DLGAP1: variants seen among roughly 807,000 people sequenced by gnomAD.
DLGAP1 encodes the protein disks large-associated protein 1.
In DLGAP1, 11 loss-of-function variants were observed where a neutral mutation model predicts 90.8. The ratio of observed to expected loss-of-function variants is 0.12; its 90% CI spans 0.08 to 0.20. The LOEUF is 0.20. Ranked by LOEUF, DLGAP1 falls within the 10% of genes least tolerant of loss-of-function variation. The pLI is 1.00. For synonymous variants in DLGAP1, 558 were observed against 540.7 expected (o/e 1.03, Z -0.44); for missense variants, 1,050 against 1,333.8 (o/e 0.79, Z 3.31).
intron 1 of DLGAP1, among the ~76,000 whole-genome samples, chr18:4,452,905 C>T (rs2083869106): frequency 1.3e-5 from 2 of 152,114 alleles, no homozygotes. Flanking sequence ...TTAACCAGTT[C>T]CTTTTGCCCA....
intron 7 of DLGAP1, among the ~76,000 whole-genome samples, chr18:3,616,927 C>T (rs986234369): frequency 1.3e-5 from 2 of 152,094 alleles, no homozygotes; most frequent in Middle Eastern, 3.2e-3. Flanking sequence ...TACCAGTCAG[C>T]ACATAAGTAG....
At chr18:4,288,890 T>G (rs1006470904) in intron 1 of DLGAP1, among the ~76,000 whole-genome samples, 1 of 152,110 alleles carries the variant, frequency 6.6e-6, no homozygotes, top group African/African-American at 2.4e-5. Flanking sequence ...GGAGATAAAA[T>G]GATGCTAGAG....
At chr18:3,674,313 G>GTATATA (rs1567942260) in intron 7 of DLGAP1, among the ~76,000 whole-genome samples, 1 of 81,004 alleles carries the variant, frequency 1.2e-5, no homozygotes, top group African/African-American at 3.9e-5. Context: ...ATATATATAT[G>GTATATA]TATATTTTAA....
At chr18:4,332,570 A>C (rs186186097) in intron 1 of DLGAP1, among the ~76,000 whole-genome samples, 9 of 152,090 alleles carry the variant, frequency 5.9e-5, no homozygotes, top group Admixed American at 5.9e-4. Flanking sequence ...CAAAGATGCC[A>C]AAACAATTCA....
chr18:3,560,374 G>T (rs28590113), intron 9 of DLGAP1, among the ~76,000 whole-genome samples: 1 of 145,118 alleles, frequency 6.9e-6, no homozygotes, highest in South Asian at 2.2e-4. Flanking sequence ...AGCTGAGATC[G>T]CGCCACTGCA....
At chr18:4,159,607 T>A (rs1169525862) in intron 1 of DLGAP1, among the ~76,000 whole-genome samples, 4 of 152,132 alleles carry the variant, frequency 2.6e-5, no homozygotes, top group Non-Finnish European at 4.4e-5. Flanking sequence ...TCTGATATCT[T>A]TGGCACCTAA....
At chr18:3,994,282 A>T (rs1278149224) in intron 3 of DLGAP1, among the ~76,000 whole-genome samples, 1 of 152,158 alleles carries the variant, frequency 6.6e-6, no homozygotes, top group East Asian at 1.9e-4. Flanking sequence ...CAGCCTGTCC[A>T]CAGCTCTAGT....
chr18:4,351,470 T>C (rs1184161048), intron 1 of DLGAP1, among the ~76,000 whole-genome samples: 2 of 152,208 alleles, frequency 1.3e-5, no homozygotes, highest in Non-Finnish European at 2.9e-5. Flanking sequence ...GCTAAAATCT[T>C]AGATTATTCT....
intron 7 of DLGAP1, among the ~76,000 whole-genome samples, chr18:3,680,556 G>A (rs1056472887): frequency 5.3e-5 from 8 of 152,340 alleles, no homozygotes; most frequent in African/African-American, 1.7e-4. Flanking sequence ...GGGAGGCTGA[G>A]GTGGGCAGAT....
intron 3 of DLGAP1, among the ~76,000 whole-genome samples, chr18:3,987,235 A>G (rs2073861784): frequency 1.3e-5 from 2 of 152,120 alleles, no homozygotes; most frequent in Admixed American, 1.3e-4. Flanking sequence ...GGAGATTGCT[A>G]ATAGATAGAA....
chr18:3,840,613 T>A (rs1192028537), intron 4 of DLGAP1, among the ~76,000 whole-genome samples: 1 of 152,178 alleles, frequency 6.6e-6, no homozygotes, highest in Non-Finnish European at 1.5e-5. Context: ...TAAGGTAACA[T>A]CCTCAGTTTC....
chr18:4,345,471 C>A (rs780770045), intron 1 of DLGAP1, among the ~76,000 whole-genome samples: 1 of 152,194 alleles, frequency 6.6e-6, no homozygotes, highest in African/African-American at 2.4e-5. Flanking sequence ...TAGATACTCA[C>A]AATAGGCACA....
At chr18:4,240,375 A>G (rs2145123931) in intron 1 of DLGAP1, among the ~76,000 whole-genome samples, 1 of 152,276 alleles carries the variant, frequency 6.6e-6, no homozygotes, top group African/African-American at 2.4e-5. Flanking sequence ...ATACACTGCT[A>G]GAGGAAAATA....
intron 3 of DLGAP1, among the ~76,000 whole-genome samples, chr18:3,944,348 T>C (rs2148953795): frequency 6.6e-6 from 1 of 152,168 alleles, no homozygotes; most frequent in South Asian, 2.1e-4. Flanking sequence ...ATACAAAAAT[T>C]AGCTGGGCAT....
At chr18:4,139,376 C>A (rs915236332) in intron 2 of DLGAP1, among the ~76,000 whole-genome samples, 2 of 151,936 alleles carry the variant, frequency 1.3e-5, no homozygotes, top group Non-Finnish European at 2.9e-5. Context: ...TTCTTCATGA[C>A]CCACTGGTCA....
chr18:3,815,871 G>A (rs1384675547), intron 4 of DLGAP1, among the ~76,000 whole-genome samples: 1 of 152,190 alleles, frequency 6.6e-6, no homozygotes. Flanking sequence ...AAAAAACGGG[G>A]AGGCTGGTTC....
At chr18:3,693,418 T>C (rs1342053939) in intron 7 of DLGAP1, among the ~76,000 whole-genome samples, 2 of 152,240 alleles carry the variant, frequency 1.3e-5, no homozygotes, top group Admixed American at 6.5e-5. Context: ...TTCTAACATT[T>C]GATTTTCTCC....
intron 1 of DLGAP1, among the ~76,000 whole-genome samples, chr18:4,156,726 C>T (rs183090506): frequency 8.7e-4 from 132 of 152,174 alleles, no homozygotes; most frequent in African/African-American, 3.1e-3. Flanking sequence ...CTAAAAAAAC[C>T]CTAAACTTAT....
At chr18:3,961,554 C>G (rs1186370238) in intron 3 of DLGAP1, among the ~76,000 whole-genome samples, 1 of 152,162 alleles carries the variant, frequency 6.6e-6, no homozygotes, top group Admixed American at 6.5e-5. Context: ...ATACCATGAG[C>G]AGGATACACA....
Sources: allele counts gnomAD v4.1 joint callset (sites outside exome capture counted in the v4.1 genomes callset), GRCh38; gene constraint gnomAD v4.1.1; transcripts MANE v1.5; gene names NCBI Gene and HGNC (gene_info 2026-07-23, HGNC 2026-07-21).